Variants in ADAMTSL1 observed in about 807,000 individuals in gnomAD.
ADAMTSL1 encodes ADAMTS-like protein 1.
In ADAMTSL1, 126 loss-of-function variants were observed where a neutral mutation model predicts 201.8. That is an observed-to-expected ratio of 0.62 (90% CI 0.54 to 0.72). ADAMTSL1 has a LOEUF of 0.72. Ranked by LOEUF, ADAMTSL1 falls within the 30% of genes least tolerant of loss-of-function variation. The pLI is 0.00. For synonymous variants in ADAMTSL1, 1,121 were observed against 903.4 expected (o/e 1.24, Z -4.32); for missense variants, 2,679 against 2,277.8 (o/e 1.18, Z -3.59).
chr9:18,671,372 G>C lies in ADAMTSL1; in HGVS notation c.1086-4485G>C, dbSNP rs140065894. Among the ~76,000 whole-genome samples the C allele has an allele frequency of 6.7e-3, 1,027 of 152,302 alleles. 9 individuals carry two copies. The highest frequency in any genetic ancestry group is 0.011 in the Non-Finnish European group (725 of 68,020). On this transcript the variant is annotated intron_variant, in intron 9 of 28. Coordinates refer to ENST00000380548, the MANE Select transcript of ADAMTSL1 (RefSeq NM_001040272.6). ...GGTGAGGTGAAGTATCAGGTGCTTTGGCAGCAGAGTAGGCTGGATTGATTT... is the reference window on the plus strand; with the variant it reads ...GGTGAGGTGAAGTATCAGGTGCTTTCGCAGCAGAGTAGGCTGGATTGATTT...
intron 1 of ADAMTSL1, among the ~76,000 whole-genome samples, chr9:17,995,197 C>A (rs888186513): frequency 3.9e-5 from 6 of 152,018 alleles, no homozygotes; most frequent in Non-Finnish European, 7.4e-5. Context: ...GCTACAGGGA[C>A]CAGATTGTTA....
chr9:18,466,293 T>G (rs1170565562), intron 2 of ADAMTSL1, among the ~76,000 whole-genome samples: 2 of 152,210 alleles, frequency 1.3e-5, no homozygotes, highest in Non-Finnish European at 2.9e-5. Flanking sequence ...TCAGGACACC[T>G]GCATATATGG....
In ADAMTSL1 at chr9:18,770,534, G is replaced by A; in HGVS notation, c.2218-68G>A. 2.8e-6 allele frequency: 4 copies of A among 1,445,100 alleles called. No individual in the cohort carries two copies. In the South Asian group the frequency reaches 5.5e-5, roughly 20 times the overall value. 89.5% of individuals were successfully genotyped at this position (1,445,100 alleles called of 1,614,324 possible). ...CCTTTACTCTGCCAAATTAAGATAA[G>A]AATTAGCAGTCAGACTGCCTTCCCA... On this transcript the variant is annotated intron_variant, in intron 16 of 28. Coordinates refer to ENST00000380548, the MANE Select transcript of ADAMTSL1 (RefSeq NM_001040272.6).
At chr9:18,471,032 G>A (rs547590506), upstream of ADAMTSL1, among the ~76,000 whole-genome samples, 8 of 152,104 alleles carry the variant, frequency 5.3e-5, no homozygotes, top group African/African-American at 9.7e-5. Context: ...GCCTTTCCCC[G>A]GTTGCCATTA....
chr9:18,801,580 G>A (rs1822809673), intron 20 of ADAMTSL1, among the ~76,000 whole-genome samples: 1 of 152,102 alleles, frequency 6.6e-6, no homozygotes, highest in South Asian at 2.1e-4. Context: ...CCTTCTTCGT[G>A]TTCATGAATT....
At chr9:18,643,762 T>G (rs1329916928) in intron 7 of ADAMTSL1, among the ~76,000 whole-genome samples, 1 of 152,076 alleles carries the variant, frequency 6.6e-6, no homozygotes, top group African/African-American at 2.4e-5. Context: ...ACTGGTACCA[T>G]GTTGTTTTGA....
chr9:18,841,645 C>T (rs1009553274), intron 23 of ADAMTSL1, among the ~76,000 whole-genome samples: 2 of 152,258 alleles, frequency 1.3e-5, no homozygotes, highest in East Asian at 3.9e-4. Context: ...TGGTAGAATT[C>T]GGCTGTGAAT....
At chr9:18,716,465 C>T (rs1222604508) in intron 14 of ADAMTSL1, among the ~76,000 whole-genome samples, 1 of 152,136 alleles carries the variant, frequency 6.6e-6, no homozygotes, top group Non-Finnish European at 1.5e-5. Flanking sequence ...GACATTTATG[C>T]AGCCAAAAAC....
intron 2 of ADAMTSL1, among the ~76,000 whole-genome samples, chr9:18,275,056 A>G (rs749531633): frequency 6.6e-5 from 10 of 152,178 alleles, no homozygotes; most frequent in Non-Finnish European, 7.4e-5. Flanking sequence ...AGCCAACCCA[A>G]TGATTTGAAG....
At chr9:18,332,177 T>C (rs1835055545) in intron 2 of ADAMTSL1, among the ~76,000 whole-genome samples, 1 of 152,184 alleles carries the variant, frequency 6.6e-6, no homozygotes, top group African/African-American at 2.4e-5. Context: ...GGCACACTCC[T>C]CACTGTACTT....
intron 23 of ADAMTSL1, among the ~76,000 whole-genome samples, chr9:18,857,379 C>A (rs1387485521): frequency 6.6e-6 from 1 of 152,192 alleles, no homozygotes. Flanking sequence ...GAAAACAGTT[C>A]CTCGGGCTTC....
At chr9:18,514,298 G>A (rs967095301) in intron 2 of ADAMTSL1, among the ~76,000 whole-genome samples, 10 of 144,976 alleles carry the variant, frequency 6.9e-5, no homozygotes, top group African/African-American at 2.0e-4. Flanking sequence ...TTTGTTATTA[G>A]TGTGTAGAAT....
chr9:18,403,157 T>G (rs12340008), intron 2 of ADAMTSL1, among the ~76,000 whole-genome samples: 132 of 145,926 alleles, frequency 9.0e-4, no homozygotes, highest in African/African-American at 2.9e-3. Context: ...TCTTGTAATC[T>G]TTTTTTTTTT....
At chr9:18,063,779 C>G (rs1822568825) in intron 1 of ADAMTSL1, among the ~76,000 whole-genome samples, 1 of 152,130 alleles carries the variant, frequency 6.6e-6, no homozygotes, top group Admixed American at 6.5e-5. Flanking sequence ...GAGTATCTGT[C>G]CATGCATAAA....
intron 2 of ADAMTSL1, among the ~76,000 whole-genome samples, chr9:18,339,218 A>G (rs949178941): frequency 3.9e-5 from 6 of 152,184 alleles, no homozygotes; most frequent in Non-Finnish European, 7.3e-5. Context: ...TCCAACAAAG[A>G]TCTAATATCC....
At chr9:18,261,009 TTTC>T (rs1406845048) in intron 2 of ADAMTSL1, among the ~76,000 whole-genome samples, 3 of 134,206 alleles carry the variant, frequency 2.2e-5, no homozygotes, top group South Asian at 2.7e-4. Flanking sequence ...TTTTTTCCTT[TTTC>T]TTTTTTTTTT....
intron 1 of ADAMTSL1, among the ~76,000 whole-genome samples, chr9:18,074,506 C>A (rs1045092955): frequency 8.8e-5 from 6 of 68,300 alleles, no homozygotes; most frequent in African/African-American, 4.5e-4. Flanking sequence ...CTTTTCTTTT[C>A]TTTTCTTCTT....
upstream of ADAMTSL1, among the ~76,000 whole-genome samples, chr9:18,473,274 C>T (rs1232318876): frequency 1.3e-5 from 2 of 152,184 alleles, no homozygotes; most frequent in Admixed American, 6.5e-5. Flanking sequence ...CTTTCTCTCC[C>T]GTGGCTAAAA....
At chr9:18,217,416 T>C (rs1830094439) in intron 2 of ADAMTSL1, among the ~76,000 whole-genome samples, 1 of 152,060 alleles carries the variant, frequency 6.6e-6, no homozygotes. Context: ...GCATTACCCC[T>C]CCCCAGCTTT....
Sources: gnomAD v4.1 joint callset for allele counts (sites outside exome capture counted in the v4.1 genomes callset) on GRCh38, gnomAD v4.1.1 for gene constraint, MANE v1.5 for transcripts, NCBI Gene and HGNC (gene_info 2026-07-23, HGNC 2026-07-21) for gene names.